PSTPIP2: variants seen among roughly 807,000 people sequenced by gnomAD.
PSTPIP2 encodes the protein proline-serine-threonine phosphatase interacting protein 2.
PSTPIP2 carries 33 observed loss-of-function variants against 63.3 expected under a neutral mutation model. The observed-to-expected ratio is 0.52, with a 90% CI of 0.40 to 0.70. PSTPIP2 has a LOEUF of 0.70. PSTPIP2 is among the 30% of genes least tolerant of loss of function. The probability of loss-of-function intolerance (pLI) is 0.00; values close to 1 mark genes in which losing one functional copy is unlikely to be tolerated. For missense variants in PSTPIP2, 312 were observed against 400.7 expected (o/e 0.78, Z 1.89); for synonymous variants, 125 against 132.7 (o/e 0.94, Z 0.40).
At chr18:46,028,796 C>A in intron 2 of PSTPIP2, 1 of 1,347,972 alleles carries the variant, frequency 7.4e-7, no homozygotes, top group Non-Finnish European at 1.1e-6. Context: ...CCTGCCTGGG[C>A]AGAGACTAAT....
intron 2 of PSTPIP2, chr18:46,029,297 T>C: frequency 6.7e-7 from 1 of 1,483,908 alleles, no homozygotes; most frequent in Non-Finnish European, 9.4e-7. Context: ...TTGCTGGGTA[T>C]TTGCATTTGC....
chr18:46,063,071 C>A (rs140084520), intron 1 of PSTPIP2, among the ~76,000 whole-genome samples: 2 of 152,302 alleles, frequency 1.3e-5, no homozygotes, highest in East Asian at 3.9e-4. Flanking sequence ...GGTGTAATCA[C>A]GGCTCGCTGC....
chr18:46,023,645 T>A (rs1481027580), intron 3 of PSTPIP2, among the ~76,000 whole-genome samples: 1 of 152,046 alleles, frequency 6.6e-6, no homozygotes, highest in Non-Finnish European at 1.5e-5. Context: ...CTATTTTATA[T>A]ACAATTTTAG....
At chr18:46,059,653 GA>G (rs2144130629) in intron 1 of PSTPIP2, among the ~76,000 whole-genome samples, 1 of 152,130 alleles carries the variant, frequency 6.6e-6, no homozygotes, top group African/African-American at 2.4e-5. Context: ...AAATTCCAGA[GA>G]AAACAATAGT....
At chr18:46,039,798 C>A in intron 2 of PSTPIP2, 149 bp downstream of exon 2, 1 of 675,650 alleles carries the variant, frequency 1.5e-6, no homozygotes, top group Non-Finnish European at 2.6e-6. Context: ...ACAGAAGTAT[C>A]ATGTACTTCT....
At chr18:46,030,466 G>A (rs1328813301) in intron 2 of PSTPIP2, among the ~76,000 whole-genome samples, 2 of 152,172 alleles carry the variant, frequency 1.3e-5, no homozygotes, top group South Asian at 2.1e-4. Context: ...GTTAGATAAT[G>A]AGCATTGTTG....
At chr18:46,040,198 G>A (rs1315971404) in intron 1 of PSTPIP2, 151 bp from the exon 2 acceptor site, 1 of 523,494 alleles carries the variant, frequency 1.9e-6, no homozygotes, top group Non-Finnish European at 3.3e-6. Flanking sequence ...AGCCTGTCAG[G>A]CTTCTCCACC....
At position 45,994,617 on chromosome 18, in the gene PSTPIP2, T is replaced by C. The variant is rs12607466; in HGVS notation, c.643-914A>G. Among the ~76,000 whole-genome samples the C allele has an allele frequency of 9.2e-5, 14 of 152,318 alleles. No homozygotes were observed. The East Asian group carries it at 1.9e-3, about 21-fold the overall frequency. ...ATTTGCTACATTTTAAAACTTGTTATAAAATAAAACAAAACTTCCAACATA... is the reference window on the plus strand; with the variant it reads ...ATTTGCTACATTTTAAAACTTGTTACAAAATAAAACAAAACTTCCAACATA... On this transcript the variant is annotated intron_variant, in intron 9 of 14. Transcript: ENST00000409746.
intron 7 of PSTPIP2, 24 bp downstream of exon 7, chr18:45,999,412 C>T (rs371042505): frequency 1.2e-5 from 20 of 1,610,610 alleles, no homozygotes; most frequent in East Asian, 4.5e-5. Flanking sequence ...TCAGATTTTT[C>T]GGGTTGTTAG....
intron 1 of PSTPIP2, among the ~76,000 whole-genome samples, chr18:46,056,917 C>T (rs1182203855): frequency 6.6e-6 from 1 of 152,126 alleles, no homozygotes; most frequent in Non-Finnish European, 1.5e-5. Context: ...GCCTGGCCAA[C>T]ATGGTGAAAC....
At chr18:46,021,291 C>G (rs972394721) in intron 3 of PSTPIP2, among the ~76,000 whole-genome samples, 1 of 151,892 alleles carries the variant, frequency 6.6e-6, no homozygotes, top group Non-Finnish European at 1.5e-5. Context: ...TCACACAGAG[C>G]AAATAAATGT....
intron 7 of PSTPIP2, 141 bp downstream of exon 7, chr18:45,999,295 G>T: frequency 1.3e-6 from 1 of 772,460 alleles, no homozygotes; most frequent in Non-Finnish European, 2.1e-6. Flanking sequence ...GGTTTTTCAG[G>T]TTCAGAAGAC....
intron 3 of PSTPIP2, among the ~76,000 whole-genome samples, chr18:46,023,187 T>C (rs1411460321): frequency 6.6e-6 from 1 of 152,124 alleles, no homozygotes; most frequent in East Asian, 1.9e-4. Context: ...ACCTGGGCGA[T>C]GAAATAATAT....
intron 3 of PSTPIP2, among the ~76,000 whole-genome samples, chr18:46,022,281 A>ATGTGTGTG (rs150331548): frequency 5.3e-5 from 8 of 150,368 alleles, no homozygotes; most frequent in Admixed American, 6.6e-5. Flanking sequence ...GTGTGTGTGT[A>ATGTGTGTG]TGTGTGTGTG....
chr18:46,053,010 G>A (rs1367460964), intron 1 of PSTPIP2, among the ~76,000 whole-genome samples: 1 of 152,070 alleles, frequency 6.6e-6, no homozygotes, highest in Non-Finnish European at 1.5e-5. Context: ...CTCTTCATAT[G>A]AACAAAAATA....
intron 1 of PSTPIP2, among the ~76,000 whole-genome samples, chr18:46,061,774 C>G (rs1909002477): frequency 6.6e-6 from 1 of 152,156 alleles, no homozygotes; most frequent in Admixed American, 6.6e-5. Flanking sequence ...ACCCCTAGTT[C>G]AGTCCTTGTA....
chr18:46,051,255 C>T (rs1908571283), intron 1 of PSTPIP2, among the ~76,000 whole-genome samples: 1 of 152,142 alleles, frequency 6.6e-6, no homozygotes, highest in Non-Finnish European at 1.5e-5. Context: ...GCAGGAGGAT[C>T]ACTTGAGGAC....
intron 5 of PSTPIP2, 83 bp from the exon 6 acceptor site, chr18:46,005,614 C>A: frequency 9.5e-7 from 1 of 1,051,218 alleles, no homozygotes. Context: ...ACCAGCTTAT[C>A]TTGAGGGTTA....
At chr18:46,031,613 T>C (rs1307632979) in intron 2 of PSTPIP2, among the ~76,000 whole-genome samples, 1 of 152,186 alleles carries the variant, frequency 6.6e-6, no homozygotes. Flanking sequence ...ACAATGAACA[T>C]TTAATATTTT....
Sources: allele counts gnomAD v4.1 joint callset (sites outside exome capture counted in the v4.1 genomes callset), GRCh38; gene constraint gnomAD v4.1.1; transcripts MANE v1.5; gene names NCBI Gene and HGNC (gene_info 2026-07-23, HGNC 2026-07-21).